The following HEPHL1 variants were observed in gnomAD, a reference collection of about 807,000 sequenced individuals.
HEPHL1 encodes the protein ferroxidase HEPHL1.
A neutral mutation model predicts 122.0 loss-of-function variants in HEPHL1; 123 were observed. The ratio of observed to expected loss-of-function variants is 1.01; its 90% CI spans 0.87 to 1.17. HEPHL1 has a LOEUF of 1.17. Ranked by LOEUF, HEPHL1 falls within the 50% of genes most tolerant of loss-of-function variation. HEPHL1 has a pLI of 0.00. For synonymous variants in HEPHL1, 527 were observed against 508.9 expected (o/e 1.04, Z -0.48); for missense variants, 1,452 against 1,430.5 (o/e 1.01, Z -0.24).
At chr11:94,081,267 G>A (rs1424137831) in intron 9 of HEPHL1, among the ~76,000 whole-genome samples, 1 of 152,166 alleles carries the variant, frequency 6.6e-6, no homozygotes, top group Non-Finnish European at 1.5e-5. Flanking sequence ...ACACAGGGAG[G>A]GGAACAACAC....
intron 11 of HEPHL1, among the ~76,000 whole-genome samples, chr11:94,087,182 A>G (rs1946225409): frequency 6.6e-6 from 1 of 152,162 alleles, no homozygotes; most frequent in Non-Finnish European, 1.5e-5. Flanking sequence ...TCAAATCAAG[A>G]GATGCCTTGG....
chr11:94,093,971 GAT>G (rs201036709), intron 13 of HEPHL1, among the ~76,000 whole-genome samples: 1,814 of 72,590 alleles, frequency 0.025, 73 homozygotes, highest in East Asian at 0.034. Flanking sequence ...TCCTCCAGCA[GAT>G]ATATATATAT....
intron 1 of HEPHL1, among the ~76,000 whole-genome samples, chr11:94,027,227 G>T (rs1181560256): frequency 6.6e-6 from 1 of 152,074 alleles, no homozygotes; most frequent in Non-Finnish European, 1.5e-5. Flanking sequence ...ATGGTGTTTA[G>T]GGCCCACCCA....
At chr11:94,097,270 A>G (rs936716919) in intron 13 of HEPHL1, among the ~76,000 whole-genome samples, 27 of 152,202 alleles carry the variant, frequency 1.8e-4, no homozygotes, top group Middle Eastern at 3.4e-3. Flanking sequence ...TCATTTTGTT[A>G]TGTACCCAGT....
In HEPHL1 at chr11:94,086,042, T is replaced by C. The variant is rs776611008; in HGVS notation, c.1933T>C (p.Trp645Arg). Residue 645 changes from tryptophan (W) to arginine (R), a missense_variant, in exon 11 of 20, where the codon TGG (tryptophan) becomes CGG (arginine). Physicochemically the swap from Trp to Arg is moderately radical, Grantham distance 101. Transcript: ENST00000315765. Reference protein sequence around the residue: ...LNMCKRDRVSWHLIGLGTDTD... With the variant: ...LNMCKRDRVSRHLIGLGTDTD... ...CATGTGTAAAAGGGATAGAGTTTCC[T>C]GGCATCTGATTGGATTGGGCACTGA... 6.2e-6 allele frequency: 10 copies of C among 1,613,974 alleles called. No individual in the cohort carries two copies. Among genetic ancestry groups the C allele is most frequent in the South Asian group, 2.2e-5 (2 of 91,068 alleles).
At chr11:94,083,241 T>G (rs1324854867) in intron 10 of HEPHL1, among the ~76,000 whole-genome samples, 1 of 152,316 alleles carries the variant, frequency 6.6e-6, no homozygotes, top group African/African-American at 2.4e-5. Flanking sequence ...GTGTCTATAA[T>G]TAAGTAGTAT....
intron 11 of HEPHL1, among the ~76,000 whole-genome samples, chr11:94,087,406 G>A (rs1192152471): frequency 6.6e-6 from 1 of 152,066 alleles, no homozygotes; most frequent in Non-Finnish European, 1.5e-5. Context: ...TCCAGTTTAT[G>A]TTTGGTGATA....
intron 10 of HEPHL1, among the ~76,000 whole-genome samples, chr11:94,082,878 C>G (rs1036074310): frequency 1.3e-5 from 2 of 152,056 alleles, no homozygotes; most frequent in Middle Eastern, 3.2e-3. Context: ...GGGCAGATCA[C>G]GAGGTCAGGA....
intron 13 of HEPHL1, 29 bp from the exon 14 acceptor site, chr11:94,101,166 A>G: frequency 6.2e-7 from 1 of 1,607,262 alleles, no homozygotes; most frequent in South Asian, 1.1e-5. Flanking sequence ...AGCAATAATA[A>G]TGCACACAGG....
chr11:94,029,587 T>C (rs1009093042), intron 1 of HEPHL1, among the ~76,000 whole-genome samples: 1 of 152,216 alleles, frequency 6.6e-6, no homozygotes, highest in African/African-American at 2.4e-5. Flanking sequence ...AAGTGGGGCC[T>C]GAGAATAAAA....
At chr11:94,082,759 A>G (rs546931057) in intron 10 of HEPHL1, among the ~76,000 whole-genome samples, 191 bp downstream of exon 10, 5 of 152,278 alleles carry the variant, frequency 3.3e-5, no homozygotes, top group African/African-American at 1.2e-4. Context: ...GTGAAATTTA[A>G]TACTTCTAGA....
In HEPHL1 at chr11:94,063,549, G is replaced by T; in HGVS notation, c.457G>T (p.Asp153Tyr). The change falls in exon 3 of 20, where the codon GAT becomes TAT. Residue 153 changes from aspartate to tyrosine, a missense_variant. Transcript: ENST00000315765. ...TGGAACATCTGGAAGGAACAAAAATGATGACATGGTTCCTCCTGGGAAAAA... is the reference window on the plus strand; with the variant it reads ...TGGAACATCTGGAAGGAACAAAAATTATGACATGGTTCCTCCTGGGAAAAA... ...PDGTSGRNKN[D>Y]DMVPPGKNYT... is the part of the protein sequence containing the mutation. 6.2e-7 allele frequency: 1 copy of T among 1,613,042 alleles called. No individual in the cohort carries two copies. Among genetic ancestry groups the T allele is most frequent in the African/African-American group, 1.3e-5 (1 of 74,974 alleles).
chr11:94,028,490 T>G (rs1249788455), intron 1 of HEPHL1, among the ~76,000 whole-genome samples: 1 of 152,152 alleles, frequency 6.6e-6, no homozygotes, highest in African/African-American at 2.4e-5. Context: ...TCTCCTCTGC[T>G]TTTGGAAGAT....
chr11:94,041,084 C>G (rs997786914), intron 1 of HEPHL1, among the ~76,000 whole-genome samples: 4 of 139,594 alleles, frequency 2.9e-5, no homozygotes, highest in African/African-American at 1.1e-4. Flanking sequence ...CAACAACAGA[C>G]AAACAGAGAG....
chr11:94,069,399 G>A (rs567380098), intron 5 of HEPHL1, among the ~76,000 whole-genome samples: 1 of 152,192 alleles, frequency 6.6e-6, no homozygotes, highest in South Asian at 2.1e-4. Context: ...GGGATTATAG[G>A]CATGAGCCAC....
chr11:94,033,124 C>G (rs144870040), intron 1 of HEPHL1, among the ~76,000 whole-genome samples: 1 of 152,308 alleles, frequency 6.6e-6, no homozygotes, highest in East Asian at 1.9e-4. Flanking sequence ...GCTTGGCCCT[C>G]TTCCAAGGGT....
intron 9 of HEPHL1, among the ~76,000 whole-genome samples, chr11:94,078,375 T>A (rs955953075): frequency 6.8e-6 from 1 of 148,000 alleles, no homozygotes; most frequent in Non-Finnish European, 1.5e-5. Context: ...TGTGGGAGCC[T>A]ACTATGTACT....
At chr11:94,052,336 C>G (rs376574780) in intron 2 of HEPHL1, among the ~76,000 whole-genome samples, 2 of 151,914 alleles carry the variant, frequency 1.3e-5, no homozygotes, top group African/African-American at 4.8e-5. Context: ...TCCTTCATTT[C>G]CTTAGTTACG....
At chr11:94,045,949 G>C (rs574231998) in intron 2 of HEPHL1, 32 bp downstream of exon 2, 2 of 1,599,944 alleles carry the variant, frequency 1.3e-6, no homozygotes. Flanking sequence ...CTGGGGTCTT[G>C]TCTCTATTTC....
Sources: allele counts gnomAD v4.1 joint callset (sites outside exome capture counted in the v4.1 genomes callset), GRCh38; gene constraint gnomAD v4.1.1; transcripts MANE v1.5; gene names NCBI Gene and HGNC (gene_info 2026-07-23, HGNC 2026-07-21).